Variants in MYRIP observed in about 807,000 individuals in gnomAD.
MYRIP encodes myosin VIIA and Rab interacting protein.
MYRIP carries 49 observed loss-of-function variants against 98.0 expected under a neutral mutation model. That is an observed-to-expected ratio of 0.50 (90% CI 0.40 to 0.63). MYRIP has a LOEUF of 0.63. Among genes scored for constraint, MYRIP ranks in the 30% least tolerant of loss-of-function variants. The pLI, the probability that MYRIP is intolerant of heterozygous loss-of-function variation, is 0.00. For synonymous variants in MYRIP, 404 were observed against 409.5 expected (o/e 0.99, Z 0.16); for missense variants, 1,004 against 1,058.2 (o/e 0.95, Z 0.71).
At position 40,002,532 on chromosome 3, in the gene MYRIP, T is replaced by C. The variant is rs544452115; in HGVS notation, c.111-41518T>C. On this transcript the variant is annotated intron_variant, in intron 2 of 16. Coordinates refer to ENST00000302541, the MANE Select transcript of MYRIP (RefSeq NM_015460.4). ...CCTGGGCAACAAGAGCAAGACTCTG[T>C]CTAAAAAAAAAAAAAGAAAATATTG... is the stretch of plus-strand genomic sequence containing the variant. Among the ~76,000 whole-genome samples the C allele has an allele frequency of 2.7e-5, 4 of 150,608 alleles. No individual in the cohort carries two copies. The South Asian group carries it at 6.3e-4, about 24-fold the overall frequency.
At chr3:40,044,301 C>A in intron 3 of MYRIP, 30 bp downstream of exon 3, 1 of 1,601,372 alleles carries the variant, frequency 6.2e-7, no homozygotes, top group Non-Finnish European at 8.6e-7. Context: ...CCAGGGTCTA[C>A]ACTGTTGATT....
chr3:40,058,415 C>T (rs1009014912), intron 3 of MYRIP, among the ~76,000 whole-genome samples: 1 of 152,142 alleles, frequency 6.6e-6, no homozygotes. Context: ...ACTATTTGTA[C>T]TGTATCTCAA....
rs146731748 is a variant in MYRIP, at chr3:40,236,715, T to C, written c.2100+2662T>C. Among the ~76,000 whole-genome samples, 1,439 of 152,380 alleles carry C rather than the reference T, an allele frequency of 9.4e-3. 27 individuals are homozygous for C. The highest frequency in any genetic ancestry group is 0.032 in the African/African-American group (1,316 of 41,592). On this transcript the variant is annotated intron_variant, in intron 12 of 16. Transcript: ENST00000302541. ...CTCAAGCTGTAGTCACCATCATCAG[T>C]TGGCATGGCCCTAGCCATGAAGTTG...
chr3:39,838,580 G>C (rs1444788939), intron 1 of MYRIP, among the ~76,000 whole-genome samples: 4 of 152,092 alleles, frequency 2.6e-5, no homozygotes, highest in African/African-American at 9.7e-5. Flanking sequence ...TGGTGGATAA[G>C]CCTTTTAATG....
At chr3:40,224,825 T>C (rs915699748) in intron 11 of MYRIP, among the ~76,000 whole-genome samples, 1 of 152,258 alleles carries the variant, frequency 6.6e-6, no homozygotes, top group Non-Finnish European at 1.5e-5. Flanking sequence ...CATATGCTAA[T>C]TTATTAAGTT....
intron 11 of MYRIP, among the ~76,000 whole-genome samples, chr3:40,222,734 C>T (rs1402963731): frequency 1.3e-5 from 2 of 152,128 alleles, no homozygotes; most frequent in African/African-American, 4.8e-5. Flanking sequence ...GCACTGAAAG[C>T]ATAGATGAGG....
intron 10 of MYRIP, among the ~76,000 whole-genome samples, chr3:40,204,892 G>C (rs1358085297): frequency 6.6e-6 from 1 of 152,168 alleles, no homozygotes; most frequent in Non-Finnish European, 1.5e-5. Flanking sequence ...ACCTTGGTCT[G>C]TTCCCTGTCC....
chr3:39,809,764 C>T lies in MYRIP; in HGVS notation c.-183C>T, dbSNP rs948070370. On this transcript the variant is annotated 5_prime_UTR_variant, in exon 1 of 17. Coordinates refer to ENST00000302541, the MANE Select transcript of MYRIP (RefSeq NM_015460.4). Reference sequence around the variant, plus strand: ...GGTGCTGCAGCCCAGCTTTAGCGCGCAGACCGACCCGCGCCCCTTCTTCGC... The same window carrying T: ...GGTGCTGCAGCCCAGCTTTAGCGCGTAGACCGACCCGCGCCCCTTCTTCGC... 12 of 152,328 alleles carry T rather than the reference C, an allele frequency of 7.9e-5. No individual in the cohort carries two copies. The highest frequency in any genetic ancestry group is 2.9e-4 in the African/African-American group (12 of 41,576). 9.4% of individuals were successfully genotyped at this position (152,328 alleles called of 1,614,324 possible).
intron 1 of MYRIP, among the ~76,000 whole-genome samples, chr3:39,824,201 AC>A (rs1229255895): frequency 6.6e-6 from 1 of 151,644 alleles, no homozygotes; most frequent in Non-Finnish European, 1.5e-5. Flanking sequence ...ATTCTATTCC[AC>A]TTGTCTATGT....
chr3:40,099,192 A>T (rs1948892129), intron 3 of MYRIP, among the ~76,000 whole-genome samples: 1 of 152,158 alleles, frequency 6.6e-6, no homozygotes, highest in Admixed American at 6.5e-5. Flanking sequence ...CAGGAGGCAC[A>T]TTTCAAGAAA....
chr3:39,857,874 A>T (rs989851711), intron 1 of MYRIP, among the ~76,000 whole-genome samples: 1 of 152,186 alleles, frequency 6.6e-6, no homozygotes, highest in Admixed American at 6.5e-5. Flanking sequence ...CAAGAAGGAA[A>T]AACCTGTAGA....
intron 12 of MYRIP, among the ~76,000 whole-genome samples, chr3:40,235,407 T>C (rs1049289963): frequency 6.6e-6 from 1 of 152,066 alleles, no homozygotes; most frequent in South Asian, 2.1e-4. Context: ...TTGAAAGGCA[T>C]GTCATCAGCT....
intron 1 of MYRIP, among the ~76,000 whole-genome samples, chr3:39,886,062 C>G (rs924643843): frequency 3.0e-4 from 46 of 151,904 alleles, no homozygotes; most frequent in Non-Finnish European, 5.9e-5. Context: ...CAATTTTCAA[C>G]CCAGAATTTC....
At chr3:40,086,839 G>C (rs961884724) in intron 3 of MYRIP, among the ~76,000 whole-genome samples, 1 of 151,960 alleles carries the variant, frequency 6.6e-6, no homozygotes, top group Non-Finnish European at 1.5e-5. Flanking sequence ...AAGAGGTTTT[G>C]ACAGCCATGG....
intron 3 of MYRIP, among the ~76,000 whole-genome samples, chr3:40,106,254 G>A (rs1949048131): frequency 1.3e-5 from 2 of 151,802 alleles, no homozygotes; most frequent in South Asian, 4.2e-4. Context: ...ACCTACATGT[G>A]AAAAGAACAC....
intron 10 of MYRIP, among the ~76,000 whole-genome samples, chr3:40,200,779 T>C (rs1326563102): frequency 6.6e-6 from 1 of 152,128 alleles, no homozygotes; most frequent in Non-Finnish European, 1.5e-5. Context: ...CTCAGTCCCT[T>C]CACCCCAACC....
intron 9 of MYRIP, 75 bp downstream of exon 9, chr3:40,182,448 T>TG: frequency 6.7e-7 from 1 of 1,496,966 alleles, no homozygotes; most frequent in South Asian, 1.3e-5. Context: ...GGCTATTGCA[T>TG]GGCCACTCTG....
chr3:39,952,523 A>C (rs1945046547), intron 2 of MYRIP, among the ~76,000 whole-genome samples: 1 of 152,148 alleles, frequency 6.6e-6, no homozygotes, highest in South Asian at 2.1e-4. Flanking sequence ...CATGGTGTAT[A>C]ATTTGTATGT....
At chr3:39,922,371 C>A (rs1944325547) in intron 2 of MYRIP, among the ~76,000 whole-genome samples, 1 of 152,198 alleles carries the variant, frequency 6.6e-6, no homozygotes, top group Admixed American at 6.5e-5. Context: ...AAAAGCTAAG[C>A]AGGAAGCTGA....
Sources: gnomAD v4.1 joint callset for allele counts (sites outside exome capture counted in the v4.1 genomes callset) on GRCh38, gnomAD v4.1.1 for gene constraint, MANE v1.5 for transcripts, NCBI Gene and HGNC (gene_info 2026-07-23, HGNC 2026-07-21) for gene names.